BRCA2: variants seen among roughly 807,000 people sequenced by gnomAD.
BRCA2 encodes the protein BRCA2 DNA repair associated.
BRCA2 carries 203 observed loss-of-function variants against 276.7 expected under a neutral mutation model. The ratio of observed to expected loss-of-function variants is 0.73; its 90% confidence interval spans 0.65 to 0.82. The LOEUF (loss-of-function observed/expected upper bound fraction) is 0.82. Ranked by LOEUF, BRCA2 falls within the 40% of genes least tolerant of loss-of-function variation. The pLI is 0.00. For synonymous variants in BRCA2, 1,289 were observed against 1,338.4 expected, an observed-to-expected ratio of 0.96 and a Z score of 0.81; for missense variants, 3,920 against 3,915.0, an observed-to-expected ratio of 1.00 and a Z score of -0.03.
intron 18 of BRCA2, among the ~76,000 whole-genome samples, 166 bp downstream of exon 18, chr13:32,363,699 GT>G (rs950267619): frequency 6.6e-6 from 1 of 152,188 alleles, no homozygotes; most frequent in Non-Finnish European, 1.5e-5. Context: ...TTTTTGTGCA[GT>G]TTTTGGGAGG....
At chr13:32,316,369 C>T (rs1409298100) in intron 1 of BRCA2, 53 bp from the exon 2 acceptor site, 2 of 1,133,860 alleles carry the variant, frequency 1.8e-6, no homozygotes, top group Non-Finnish European at 2.7e-6. Flanking sequence ...ACCTCAGTCA[C>T]ATAATAAGGA....
intron 18 of BRCA2, among the ~76,000 whole-genome samples, chr13:32,367,091 A>G (rs767321468): frequency 6.6e-6 from 1 of 152,292 alleles, no homozygotes; most frequent in Non-Finnish European, 1.5e-5. Context: ...TTAGGAGTGT[A>G]ATAGAATAGA....
Position 32,370,527 on chromosome 13 carries a change from T to C in BRCA2, c.8457T>C (p.Asp2819=), listed in dbSNP as rs876660166. The change falls in exon 19 of 27, where the codon GAT becomes GAC. Residue 2819 remains aspartate (D), a synonymous_variant. Transcript: ENST00000380152. ...ATGGAGGAAATGTTGGTTGTGTTGA[T>C]GTAATTATTCAAAGAGCATACCCTA... ...FSDGGNVGCV[D]VIIQRAYPIQ... is the part of the protein sequence containing the mutation. 1.9e-6 allele frequency: 3 copies of C among 1,613,912 alleles called. No individual in the cohort carries two copies. Among genetic ancestry groups the C allele is most frequent in the Non-Finnish European group, 2.5e-6 (3 of 1,179,756 alleles).
chr13:32,340,699 A>G lies in BRCA2; in HGVS notation c.6344A>G (p.Glu2115Gly), dbSNP rs397507370. The change falls in exon 11 of 27, where the codon GAG (glutamate) becomes GGG (glycine). Residue 2115 changes from glutamate to glycine, a missense_variant. Glu to Gly is a moderately conservative substitution (Grantham distance 98). Coordinates refer to ENST00000380152, the MANE Select transcript of BRCA2 (RefSeq NM_000059.4). ...ILPRVDKRNPEHCVNSEMEKT... is the reference protein window; with the variant it reads ...ILPRVDKRNPGHCVNSEMEKT... The stretch of plus-strand genomic sequence containing the variant: ...CCTCGTGTTGATAAGAGAAACCCAG[A>G]GCACTGTGTAAACTCAGAAATGGAA... 1.2e-6 allele frequency: 2 copies of G among 1,609,346 alleles called. No homozygotes were observed. The highest frequency in any genetic ancestry group is 1.7e-6 in the Non-Finnish European group (2 of 1,178,962).
intron 1 of BRCA2, among the ~76,000 whole-genome samples, chr13:32,315,980 G>A (rs1381712436): frequency 6.6e-6 from 1 of 152,192 alleles, no homozygotes; most frequent in African/African-American, 2.4e-5. Flanking sequence ...TTGGAAACAC[G>A]ATCACTTTAA....
In BRCA2 at chr13:32,338,012, T is replaced by C. The variant is rs876658879; in HGVS notation, c.3657T>C (p.Phe1219=). 6.2e-7 allele frequency: 1 copy of C among 1,612,984 alleles called. No homozygotes were observed. Among genetic ancestry groups the C allele is most frequent in the Admixed American group, 1.7e-5 (1 of 59,890 alleles). Residue 1219 remains phenylalanine, a synonymous_variant, in exon 11 of 27, where the codon TTT becomes TTC. Coordinates refer to ENST00000380152, the MANE Select transcript of BRCA2 (RefSeq NM_000059.4). The part of the protein sequence containing the change: ...TDENEVGFRG[F]YSAHGTKLNV... Reference sequence around the variant, plus strand: ...AAAATGAAGTGGGGTTTAGGGGCTTTTATTCTGCTCATGGCACAAAACTGA... The same window carrying C: ...AAAATGAAGTGGGGTTTAGGGGCTTCTATTCTGCTCATGGCACAAAACTGA...
At chr13:32,332,167 T>G (rs1157356889) in intron 9 of BRCA2, 105 bp from the exon 10 acceptor site, 20 of 1,157,976 alleles carry the variant, frequency 1.7e-5, no homozygotes, top group Non-Finnish European at 2.4e-5. Context: ...ATATGTAATA[T>G]TTAGCACATT....
chr13:32,370,914 T>G (rs1566249124), intron 19 of BRCA2, 42 bp from the exon 20 acceptor site: 1 of 1,612,224 alleles, frequency 6.2e-7, no homozygotes, highest in Non-Finnish European at 8.5e-7. Context: ...ACTTGAATGT[T>G]ATATATGTGA....
chr13:32,319,687 T>C (rs1382257060), intron 3 of BRCA2, among the ~76,000 whole-genome samples: 1 of 152,204 alleles, frequency 6.6e-6, no homozygotes, highest in Non-Finnish European at 1.5e-5. Flanking sequence ...ATTTTACCGA[T>C]ATACTATAAG....
At chr13:32,360,881 A>T (rs1051091243) in intron 16 of BRCA2, among the ~76,000 whole-genome samples, 2 of 152,200 alleles carry the variant, frequency 1.3e-5, no homozygotes, top group African/African-American at 4.8e-5. Flanking sequence ...AACGTGAGAG[A>T]GGAGGAGAAT....
At position 32,363,495 on chromosome 13, in the gene BRCA2, T is replaced by C. The variant is rs768247528; in HGVS notation, c.8293T>C (p.Cys2765Arg). The change falls in exon 18 of 27, where the codon TGT (cysteine) becomes CGT (arginine). Residue 2765 changes from cysteine (C) to arginine (R), a missense_variant. Around this residue, in one of 2 missense-constraint regions of BRCA2, gnomAD observed 3,263 missense variants for 3,156.9 expected, o/e 1.03. Coordinates refer to ENST00000380152, the MANE Select transcript of BRCA2 (RefSeq NM_000059.4). ...AGAACTGGTGGGCTCTCCTGATGCC[T>C]GTACACCTCTTGAAGCCCCAGAATC... is the stretch of plus-strand genomic sequence containing the variant. ...GAELVGSPDACTPLEAPESLM... is the reference protein window; with the variant it reads ...GAELVGSPDARTPLEAPESLM... The C allele has an allele frequency of 1.2e-6, 2 of 1,614,130 alleles. No homozygotes were observed. The highest frequency in any genetic ancestry group is 1.7e-6 in the Non-Finnish European group (2 of 1,180,000).
Position 32,363,407 on chromosome 13 carries a change from C to G in BRCA2, c.8205C>G (p.Pro2735=), listed in dbSNP as rs967189548. The change falls in exon 18 of 27, where the codon CCC becomes CCG. Residue 2735 remains proline (P), a synonymous_variant. Coordinates refer to ENST00000380152, the MANE Select transcript of BRCA2 (RefSeq NM_000059.4). The part of the protein sequence containing the change: ...WYAVKAQLDP[P]LLAVLKNGRL... The stretch of plus-strand genomic sequence containing the variant: ...CTGTTAAGGCCCAGTTAGATCCTCC[C>G]CTCTTAGCTGTCTTAAAGAATGGCA... 1 of 1,614,100 alleles carries G rather than the reference C, an allele frequency of 6.2e-7. No homozygotes were observed.
At chr13:32,324,739 G>A (rs776961397) in intron 3 of BRCA2, among the ~76,000 whole-genome samples, 4 of 151,970 alleles carry the variant, frequency 2.6e-5, no homozygotes, top group African/African-American at 9.7e-5. Flanking sequence ...TGATCCTCCC[G>A]CCTCAGCCTC....
chr13:32,332,722 A>G lies in BRCA2; in HGVS notation c.1244A>G (p.His415Arg), dbSNP rs80358417. The G allele has an allele frequency of 1.9e-5, 31 of 1,613,168 alleles. No homozygotes were observed. Among genetic ancestry groups the G allele is most frequent in the East Asian group, 1.1e-4 (5 of 44,886 alleles). The part of the protein sequence containing the change: ...GAQMEKIPLL[H>R]ISSCDQNISE... ...CAGATGGAGAAAATACCCCTATTGC[A>G]TATTTCTTCATGTGACCAAAATATT... Residue 415 changes from histidine (H) to arginine (R), a missense_variant, in exon 10 of 27, where the codon CAT (histidine) becomes CGT (arginine). This residue lies in a region of BRCA2 where 3,263 missense variants were observed against 3,156.9 expected (regional missense o/e 1.03). Transcript: ENST00000380152.
chr13:32,331,835 A>G (rs929712643), intron 9 of BRCA2, among the ~76,000 whole-genome samples: 1 of 151,956 alleles, frequency 6.6e-6, no homozygotes, highest in Non-Finnish European at 1.5e-5. Flanking sequence ...GTAGGATTTG[A>G]TATCTGTTTT....
chr13:32,332,029 T>C (rs2072395151), intron 9 of BRCA2, among the ~76,000 whole-genome samples: 1 of 152,068 alleles, frequency 6.6e-6, no homozygotes, highest in South Asian at 2.1e-4. Context: ...TTTTAGGGAT[T>C]GTTGTATGAA....
At chr13:32,365,329 T>G (rs1055985123) in intron 18 of BRCA2, among the ~76,000 whole-genome samples, 5 of 151,938 alleles carry the variant, frequency 3.3e-5, no homozygotes, top group African/African-American at 1.2e-4. Context: ...CTTCAGTCAT[T>G]CATTATGTGC....
At chr13:32,334,141 T>A (rs368921153) in intron 10 of BRCA2, among the ~76,000 whole-genome samples, 1 of 152,162 alleles carries the variant, frequency 6.6e-6, no homozygotes, top group African/African-American at 2.4e-5. Flanking sequence ...TACCCCGTAA[T>A]GGGATTGCTG....
chr13:32,361,625 G>C (rs1315568687), intron 16 of BRCA2, among the ~76,000 whole-genome samples: 1 of 152,202 alleles, frequency 6.6e-6, no homozygotes, highest in Non-Finnish European at 1.5e-5. Context: ...CTGATCGTTG[G>C]CCTTGTAGGC....
Sources: allele counts gnomAD v4.1 joint callset (sites outside exome capture counted in the v4.1 genomes callset), GRCh38; gene constraint gnomAD v4.1.1; regional missense constraint gnomAD v4.1.1; transcripts MANE v1.5; gene names NCBI Gene and HGNC (gene_info 2026-07-23, HGNC 2026-07-21).